CLDN14: variants seen among roughly 807,000 people sequenced by gnomAD.
CLDN14 encodes claudin 14.
In CLDN14, 2 loss-of-function variants were observed where a neutral mutation model predicts 2.1. The ratio of observed to expected loss-of-function variants is 0.96; its 90% CI spans 0.39 to 3.01. The LOEUF (loss-of-function observed/expected upper bound fraction) is 3.01. CLDN14 is among the 30% of genes most tolerant of loss of function. CLDN14 has a pLI of 0.09. For synonymous variants in CLDN14, 136 were observed against 154.4 expected (o/e 0.88, Z 0.88); for missense variants, 298 against 328.0 (o/e 0.91, Z 0.71).
chr21:36,526,214 C>A (rs554807156), intron 1 of CLDN14: 1 of 152,318 alleles, frequency 6.6e-6, no homozygotes, highest in East Asian at 1.9e-4. Flanking sequence ...TCTGTTGCAC[C>A]TGCTCGACTC....
At chr21:36,501,420 G>C (rs557483043) in intron 2 of CLDN14, among the ~76,000 whole-genome samples, 2 of 126,746 alleles carry the variant, frequency 1.6e-5, no homozygotes, top group South Asian at 2.7e-4. Context: ...TAGAAACCAG[G>C]TTAAATCTGA....
chr21:36,518,141 T>C (rs2087242725), intron 1 of CLDN14, among the ~76,000 whole-genome samples: 1 of 152,046 alleles, frequency 6.6e-6, no homozygotes, highest in Admixed American at 6.6e-5. Flanking sequence ...GGGAGAACTC[T>C]GACTAATATA....
intron 1 of CLDN14, among the ~76,000 whole-genome samples, chr21:36,463,563 T>G (rs1240743968): frequency 6.6e-6 from 1 of 152,010 alleles, no homozygotes; most frequent in East Asian, 1.9e-4. Flanking sequence ...AATACAAAAA[T>G]TAGCTGATCG....
chr21:36,575,950 G>A (rs540331825), intron 1 of CLDN14, among the ~76,000 whole-genome samples: 9 of 152,280 alleles, frequency 5.9e-5, no homozygotes, highest in Non-Finnish European at 1.2e-4. Flanking sequence ...GCACCATCCA[G>A]AAACGCATTG....
chr21:36,466,829 A>G (rs1240616276), intron 1 of CLDN14, among the ~76,000 whole-genome samples: 2 of 152,224 alleles, frequency 1.3e-5, no homozygotes, highest in Admixed American at 6.5e-5. Context: ...AATCTACAAC[A>G]TCAAAAGCAA....
chr21:36,553,096 T>C (rs1229867393), intron 1 of CLDN14, among the ~76,000 whole-genome samples: 5 of 152,164 alleles, frequency 3.3e-5, no homozygotes, highest in African/African-American at 1.2e-4. Context: ...AGCTAAAGCA[T>C]TGGCTGGGCG....
At chr21:36,561,762 C>G (rs181941291) in intron 1 of CLDN14, among the ~76,000 whole-genome samples, 1 of 152,330 alleles carries the variant, frequency 6.6e-6, no homozygotes, top group Admixed American at 6.5e-5. Context: ...ACCCACACAT[C>G]TCATGGCTGA....
At chr21:36,482,352 G>GACT (rs1449425694), upstream of CLDN14, among the ~76,000 whole-genome samples, 953 of 112,612 alleles carry the variant, frequency 8.5e-3, 13 homozygotes, top group African/African-American at 0.034. Flanking sequence ...ATGGATGGAT[G>GACT]GATGGATGGA....
rs148672704 is a variant in CLDN14 at position 36,519,032 on chromosome 21, G to A, written c.-219-8532C>T. On this transcript the variant is annotated intron_variant, in intron 1 of 2. Coordinates refer to the CLDN14 transcript ENST00000342108. ...ACCCATGTCCAGAGACAGACAAGCC[G>A]TGGGTTCAGAGGCTGGTTTTTCACA... is the stretch of plus-strand genomic sequence containing the variant. Among the ~76,000 whole-genome samples, 1,090 of 152,304 alleles carry A rather than the reference G, an allele frequency of 7.2e-3. 7 individuals carry two copies. Among genetic ancestry groups the A allele is most frequent in the African/African-American group, 0.025 (1,029 of 41,558 alleles).
intron 1 of CLDN14, among the ~76,000 whole-genome samples, chr21:36,575,880 C>T (rs2087738246): frequency 6.6e-6 from 1 of 152,208 alleles, no homozygotes; most frequent in Non-Finnish European, 1.5e-5. Flanking sequence ...TATACGACCT[C>T]TTTAGAGTTT....
chr21:36,518,075 TACACACACACACACACAC>T (rs3030072), intron 1 of CLDN14, among the ~76,000 whole-genome samples: 7 of 148,542 alleles, frequency 4.7e-5, no homozygotes, highest in East Asian at 2.0e-4. Flanking sequence ...CTTACATACG[TACACACACACACACACAC>T]ACACACACAC....
intron 1 of CLDN14, among the ~76,000 whole-genome samples, chr21:36,564,355 C>T (rs2087657848): frequency 6.6e-6 from 1 of 152,222 alleles, no homozygotes; most frequent in Admixed American, 6.5e-5. Context: ...CAAAAGCCAT[C>T]AATTAGGGAT....
intron 1 of CLDN14, among the ~76,000 whole-genome samples, chr21:36,539,317 A>C (rs1030812960): frequency 6.6e-6 from 1 of 151,866 alleles, no homozygotes; most frequent in Non-Finnish European, 1.5e-5. Context: ...GTGCAGAGTG[A>C]GTGCGTGTGG....
chr21:36,536,724 A>G (rs2087426516), intron 1 of CLDN14, among the ~76,000 whole-genome samples: 1 of 152,210 alleles, frequency 6.6e-6, no homozygotes, highest in Non-Finnish European at 1.5e-5. Context: ...ACATGTTAAG[A>G]AAATATTTTC....
intron 1 of CLDN14, among the ~76,000 whole-genome samples, chr21:36,467,364 C>T (rs565649602): frequency 1.7e-4 from 26 of 152,176 alleles, no homozygotes; most frequent in Admixed American, 3.9e-4. Flanking sequence ...GAGGGGTGGA[C>T]GTGTTGTTTA....
intron 2 of CLDN14, among the ~76,000 whole-genome samples, chr21:36,509,552 C>T (rs886747409): frequency 6.6e-6 from 1 of 152,134 alleles, no homozygotes; most frequent in Non-Finnish European, 1.5e-5. Context: ...GAAATTCCTT[C>T]TCCCTGACAA....
At chr21:36,534,584 G>T (rs2087409539) in intron 1 of CLDN14, among the ~76,000 whole-genome samples, 2 of 152,160 alleles carry the variant, frequency 1.3e-5, no homozygotes, top group South Asian at 4.1e-4. Context: ...GGAGAGGCTG[G>T]CTGACAATCA....
chr21:36,558,771 T>G (rs991886085), intron 1 of CLDN14, among the ~76,000 whole-genome samples: 1 of 151,822 alleles, frequency 6.6e-6, no homozygotes, highest in African/African-American at 2.4e-5. Flanking sequence ...GGTTTTTTTT[T>G]TGTGGAATTG....
intron 1 of CLDN14, among the ~76,000 whole-genome samples, chr21:36,546,771 C>T (rs2087528498): frequency 6.6e-6 from 1 of 152,072 alleles, no homozygotes; most frequent in Non-Finnish European, 1.5e-5. Context: ...TTAATCTTAC[C>T]AAGATTATTG....
Sources: gnomAD v4.1 joint callset for allele counts (sites outside exome capture counted in the v4.1 genomes callset) on GRCh38, gnomAD v4.1.1 for gene constraint, MANE v1.5 for transcripts, NCBI Gene and HGNC (gene_info 2026-07-23, HGNC 2026-07-21) for gene names.